Variants in CR1 observed in about 807,000 individuals in gnomAD.
The protein encoded by CR1 is complement C3b/C4b receptor 1 (Knops blood group).
Under a neutral mutation model 187.3 loss-of-function variants are expected in CR1, and 116 were observed. That is an observed-to-expected ratio of 0.62 (90% confidence interval 0.53 to 0.72). The LOEUF is 0.72. Ranked by LOEUF, CR1 falls within the 30% of genes least tolerant of loss-of-function variation. The pLI is 0.00. For missense variants in CR1, 1,731 were observed against 2,110.7 expected (o/e 0.82, Z 3.52); for synonymous variants, 576 against 747.1 (o/e 0.77, Z 3.73).
intron 40 of CR1, among the ~76,000 whole-genome samples, chr1:207,616,215 C>T (rs1336544494): frequency 6.6e-6 from 1 of 152,118 alleles, no homozygotes; most frequent in Non-Finnish European, 1.5e-5. Flanking sequence ...ATGACCAAAA[C>T]TTTGTCTGTC....
intron 28 of CR1, among the ~76,000 whole-genome samples, chr1:207,576,992 T>G (rs1660767229): frequency 6.6e-6 from 1 of 152,324 alleles, no homozygotes; most frequent in Admixed American, 6.5e-5. Flanking sequence ...GGCTCATGCC[T>G]GTACTCCCAG....
chr1:207,496,341 G>T lies in CR1; in HGVS notation c.74G>T (p.Gly25Val). 6.2e-7 allele frequency: 1 copy of T among 1,613,054 alleles called. No homozygotes were observed. Among genetic ancestry groups the T allele is most frequent in the Non-Finnish European group, 8.5e-7 (1 of 1,179,708 alleles). Residue 25 changes from glycine (G) to valine (V), a missense_variant, in exon 1 of 47, where the codon GGA (glycine) becomes GTA (valine). Coordinates refer to ENST00000367049, the MANE Select transcript of CR1 (RefSeq NM_000651.6). ...PAPGLPFCCG[G>V]SLLAVVVLLA... The stretch of plus-strand genomic sequence containing the variant: ...CCCGGTCTCCCCTTCTGCTGCGGAG[G>T]ATCCCTGCTGGCGGTTGTGGTGCTG...
At chr1:207,517,160 C>T (rs897073257) in intron 4 of CR1, among the ~76,000 whole-genome samples, 2 of 152,026 alleles carry the variant, frequency 1.3e-5, no homozygotes, top group African/African-American at 4.8e-5. Context: ...GTTTCTTTTT[C>T]ACTCTGTTAA....
chr1:207,627,550 C>T (rs1367161817), intron 45 of CR1, among the ~76,000 whole-genome samples: 1 of 152,212 alleles, frequency 6.6e-6, no homozygotes, highest in African/African-American at 2.4e-5. Flanking sequence ...AATATACCAA[C>T]TGTCTCAGTC....
intron 4 of CR1, among the ~76,000 whole-genome samples, chr1:207,520,366 T>C (rs538169357): frequency 1.3e-5 from 2 of 152,378 alleles, no homozygotes; most frequent in African/African-American, 4.8e-5. Context: ...TGACCACCTC[T>C]CAGTCGCAGC....
intron 4 of CR1, 103 bp from the exon 5 acceptor site, chr1:207,523,508 G>A: frequency 1.9e-6 from 3 of 1,542,416 alleles, no homozygotes; most frequent in Non-Finnish European, 2.6e-6. Flanking sequence ...AAGATTAAAA[G>A]CAAATAATGA....
At chr1:207,522,157 G>T in intron 4 of CR1, among the ~76,000 whole-genome samples, 1 of 152,038 alleles carries the variant, frequency 6.6e-6, no homozygotes, top group East Asian at 1.9e-4. Context: ...ATAATTTCAA[G>T]GCCTTAGATA....
intron 35 of CR1, among the ~76,000 whole-genome samples, chr1:207,596,633 TAATAAC>T (rs549885612): frequency 6.6e-6 from 1 of 150,798 alleles, no homozygotes; most frequent in African/African-American, 2.4e-5. Context: ...ATAATAATAA[TAATAAC>T]AATAACAATA....
At chr1:207,590,883 G>GGATCA (rs1661249528) in intron 35 of CR1, among the ~76,000 whole-genome samples, 3 of 151,078 alleles carry the variant, frequency 2.0e-5, no homozygotes, top group Admixed American at 6.6e-5. Flanking sequence ...AATGGCAAAG[G>GGATCA]ATGCAACAAG....
At chr1:207,498,039 T>C (rs188375669) in intron 1 of CR1, among the ~76,000 whole-genome samples, 1 of 152,346 alleles carries the variant, frequency 6.6e-6, no homozygotes, top group Admixed American at 6.5e-5. Flanking sequence ...GTTCTGCTTT[T>C]TCCAGCCTCT....
At chr1:207,581,616 G>C (rs1339177268) in intron 31 of CR1, among the ~76,000 whole-genome samples, 1 of 152,026 alleles carries the variant, frequency 6.6e-6, no homozygotes, top group Non-Finnish European at 1.5e-5. Flanking sequence ...CAAATAAATA[G>C]TGGAATTTGG....
At chr1:207,506,188 C>G in intron 2 of CR1, 105 bp downstream of exon 2, 1 of 1,338,146 alleles carries the variant, frequency 7.5e-7, no homozygotes, top group Non-Finnish European at 1.0e-6. Flanking sequence ...AATTAGTTTG[C>G]CAAGGTGCAA....
chr1:207,577,318 G>A (rs1660782874), intron 28 of CR1, among the ~76,000 whole-genome samples: 1 of 151,292 alleles, frequency 6.6e-6, no homozygotes, highest in Admixed American at 6.6e-5. Flanking sequence ...AGTGAAATAA[G>A]GTTAACTGAG....
chr1:207,523,480 T>C, intron 4 of CR1, 131 bp from the exon 5 acceptor site: 1 of 1,449,224 alleles, frequency 6.9e-7, no homozygotes. Flanking sequence ...TTTATAAAAA[T>C]GTACCTATGT....
rs1648621036 is a variant in CR1 at position 207,641,221 on chromosome 1, G to A, written c.*1812G>A. 1 of 151,612 alleles carries A rather than the reference G, an allele frequency of 6.6e-6. No individual in the cohort carries two copies. The highest frequency in any genetic ancestry group is 1.5e-5 in the Non-Finnish European group (1 of 67,966). 9.4% of individuals were successfully genotyped at this position (151,612 alleles called of 1,614,324 possible). A position where few individuals can be genotyped will look rare whatever the true frequency, so the allele number is the denominator to read the frequency against. ...GGAGGACTAGAAACTAAGTGATTGG[G>A]AATTGGCCTTTTTAGAATTAAAATT... On this transcript the variant is annotated 3_prime_UTR_variant, in exon 47 of 47. Coordinates refer to ENST00000367049, the MANE Select transcript of CR1 (RefSeq NM_000651.6).
chr1:207,545,354 G>T lies in CR1; in HGVS notation c.2283G>T (p.Arg761Ser). 3.0e-6 allele frequency: 3 copies of T among 1,015,638 alleles called. 1 individual carries two copies. Among genetic ancestry groups the T allele is most frequent in the Non-Finnish European group, 4.3e-6 (3 of 704,984 alleles). 62.9% of individuals were successfully genotyped at this position (1,015,638 alleles called of 1,614,324 possible). A position where few individuals can be genotyped will look rare whatever the true frequency, so the allele number is the denominator to read the frequency against. ...PDVLHAERTQ[R>S]DKDNFSPGQE... ...TCCTGCATGCTGAGCGTACCCAAAG[G>T]GACAAGGACAACTTTTCACCCGGGC... Residue 761 changes from arginine (R) to serine (S), a missense_variant, in exon 14 of 47, where the codon AGG becomes AGT. Arg to Ser is a moderately radical substitution (Grantham distance 110). This residue lies in a region of CR1 where 17 missense variants were observed against 214.5 expected (regional missense o/e 0.08). Coordinates refer to ENST00000367049, the MANE Select transcript of CR1 (RefSeq NM_000651.6).
At chr1:207,513,778 T>TCCTC (rs1659700462) in intron 4 of CR1, among the ~76,000 whole-genome samples, 1 of 124,916 alleles carries the variant, frequency 8.0e-6, no homozygotes, top group South Asian at 3.3e-4. Flanking sequence ...CTTCCTTCCT[T>TCCTC]CCTTCTTTCC....
intron 35 of CR1, among the ~76,000 whole-genome samples, chr1:207,595,506 A>G (rs1661404263): frequency 6.6e-6 from 1 of 152,164 alleles, no homozygotes; most frequent in Non-Finnish European, 1.5e-5. Flanking sequence ...GAAGAAATTC[A>G]TCTTAGCACC....
chr1:207,601,133 C>T (rs535749989), intron 35 of CR1, among the ~76,000 whole-genome samples: 15 of 151,896 alleles, frequency 9.9e-5, no homozygotes, highest in African/African-American at 3.6e-4. Context: ...AATCTAAAAG[C>T]AGATTCTTTA....
Sources: gnomAD v4.1 joint callset for allele counts (sites outside exome capture counted in the v4.1 genomes callset) on GRCh38, gnomAD v4.1.1 for gene constraint, gnomAD v4.1.1 regional missense constraint, MANE v1.5 for transcripts, NCBI Gene and HGNC (gene_info 2026-07-23, HGNC 2026-07-21) for gene names.